GLYR1: variants seen among roughly 807,000 people sequenced by gnomAD.
GLYR1 encodes the protein glyoxylate reductase 1 homolog.
In GLYR1, 21 loss-of-function variants were observed where a neutral mutation model predicts 72.7. The ratio of observed to expected loss-of-function variants is 0.29; its 90% CI spans 0.20 to 0.42. The LOEUF (loss-of-function observed/expected upper bound fraction) is 0.42. GLYR1 is among the 10% of genes least tolerant of loss of function. The probability of loss-of-function intolerance (pLI) is 1.00; values close to 1 mark genes in which losing one functional copy is unlikely to be tolerated. For missense variants in GLYR1, 594 were observed against 712.1 expected, an observed-to-expected ratio of 0.83 and a Z score of 1.89; for synonymous variants, 392 against 270.2, an observed-to-expected ratio of 1.45 and a Z score of -4.42.
At chr16:4,830,382 AACAG>A (rs2084715909) in intron 5 of GLYR1, among the ~76,000 whole-genome samples, 3 of 152,092 alleles carry the variant, frequency 2.0e-5, no homozygotes, top group African/African-American at 7.2e-5. Flanking sequence ...CTTGAGAAAA[AACAG>A]ACAATTTGGC....
intron 3 of GLYR1, among the ~76,000 whole-genome samples, chr16:4,841,006 T>C (rs996961221): frequency 1.3e-5 from 2 of 152,204 alleles, no homozygotes; most frequent in East Asian, 1.9e-4. Context: ...GATAACACAT[T>C]AGTACCACAG....
Position 4,805,161 on chromosome 16 carries a change from C to T in GLYR1, c.*75G>A. The T allele has an allele frequency of 7.7e-7, 1 of 1,295,860 alleles. No homozygotes were observed. The highest frequency in any genetic ancestry group is 1.1e-6 in the Non-Finnish European group (1 of 898,416). 80.3% of individuals were successfully genotyped at this position (1,295,860 alleles called of 1,614,324 possible). Reference sequence around the variant, plus strand: ...AGGTGGGCTGGTCCAGAATGAACTCCCAGGCCCCCGACCCCATGTGAGGAA... The same window carrying T: ...AGGTGGGCTGGTCCAGAATGAACTCTCAGGCCCCCGACCCCATGTGAGGAA... On this transcript the variant is annotated 3_prime_UTR_variant, in exon 16 of 16. Coordinates refer to ENST00000321919, the MANE Select transcript of GLYR1 (RefSeq NM_032569.4).
intron 7 of GLYR1, 27 bp from the exon 8 acceptor site, chr16:4,821,624 C>T (rs1240150385): frequency 1.2e-6 from 2 of 1,607,168 alleles, no homozygotes; most frequent in South Asian, 1.1e-5. Context: ...AAAGAGACTA[C>T]TTGTGCTACT....
At chr16:4,817,972 A>T (rs2083756915) in intron 9 of GLYR1, 5 of 344,890 alleles carry the variant, frequency 1.4e-5, no homozygotes, top group Admixed American at 1.3e-4. Context: ...GTTCAGGGCC[A>T]GTCTCCCAGG....
intron 5 of GLYR1, among the ~76,000 whole-genome samples, chr16:4,830,740 A>G (rs1050806991): frequency 6.6e-6 from 1 of 152,128 alleles, no homozygotes; most frequent in Non-Finnish European, 1.5e-5. Flanking sequence ...GTGGCCTTGT[A>G]AGACCGGCCC....
rs2085715809 is a variant in GLYR1 at position 4,843,517 on chromosome 16, AC to A, written c.155+1556del. The A allele has an allele frequency of 3.9e-6, 5 of 1,284,326 alleles. No homozygotes were observed. In the Admixed American group the frequency reaches 1.2e-4, roughly 30 times the overall value. 79.6% of individuals were successfully genotyped at this position (1,284,326 alleles called of 1,614,324 possible). The stretch of plus-strand genomic sequence containing the variant: ...TCCCTCTTCCAGAAGCTCTGGCTCC[AC>A]AGCTCCAGGCCAGCGATCTCCTTGA... On this transcript the variant is annotated intron_variant, in intron 3 of 15. Transcript: ENST00000321919.
At chr16:4,831,939 G>C in intron 5 of GLYR1, 40 bp downstream of exon 5, 1 of 1,598,882 alleles carries the variant, frequency 6.3e-7, no homozygotes, top group African/African-American at 1.3e-5. Flanking sequence ...TGTACTAAAA[G>C]GACATCACTA....
At chr16:4,827,873 C>A (rs570033752) in intron 5 of GLYR1, among the ~76,000 whole-genome samples, 1 of 152,038 alleles carries the variant, frequency 6.6e-6, no homozygotes, top group South Asian at 2.1e-4. Flanking sequence ...GCACCGCAGC[C>A]TGGGCGACAG....
chr16:4,806,227 A>C (rs934739298), intron 15 of GLYR1, among the ~76,000 whole-genome samples: 6 of 152,328 alleles, frequency 3.9e-5, no homozygotes, highest in Non-Finnish European at 8.8e-5. Flanking sequence ...TAGCCCCCCC[A>C]CACAGAATGG....
Position 4,803,262 on chromosome 16 carries a change from T to C in GLYR1, c.*1974A>G. On this transcript the variant is annotated 3_prime_UTR_variant, in exon 16 of 16. Coordinates refer to ENST00000321919, the MANE Select transcript of GLYR1 (RefSeq NM_032569.4). ...TAGCTTTGTTAATTGCACAAAATCA[T>C]GTTTTGTTTTTGCCATTTAAACATT... The C allele has an allele frequency of 6.5e-6, 1 of 152,834 alleles. No individual in the cohort carries two copies. Among genetic ancestry groups the C allele is most frequent in the East Asian group, 1.9e-4 (1 of 5,194 alleles). The allele number at this position is 152,834 out of a possible 1,614,324, so 9.5% of individuals were successfully genotyped here. A position where few individuals can be genotyped will look rare whatever the true frequency, so the allele number is the denominator to read the frequency against.
rs201216481 is a variant in GLYR1, at chr16:4,846,229, G to C, written c.39-19C>G. The C allele has an allele frequency of 6.2e-7, 1 of 1,613,672 alleles. No homozygotes were observed. The highest frequency in any genetic ancestry group is 8.5e-7 in the Non-Finnish European group (1 of 1,179,734). On this transcript the variant is annotated intron_variant, in intron 1 of 15. Coordinates refer to ENST00000321919, the MANE Select transcript of GLYR1 (RefSeq NM_032569.4). ...TTTCCCCCTAGAGAAAACACAAAGA[G>C]TCAACACTTGCCCTGCAAAAGCCAG...
intron 5 of GLYR1, among the ~76,000 whole-genome samples, chr16:4,825,684 C>T (rs1282495292): frequency 2.0e-5 from 3 of 150,832 alleles, no homozygotes; most frequent in African/African-American, 7.3e-5. Flanking sequence ...CGGAGTCTTG[C>T]TCTGTAGCCC....
intron 5 of GLYR1, among the ~76,000 whole-genome samples, chr16:4,825,006 C>T (rs1163464226): frequency 6.6e-6 from 1 of 152,102 alleles, no homozygotes; most frequent in Non-Finnish European, 1.5e-5. Context: ...TTACAGTTGG[C>T]GATCTGCCCA....
intron 15 of GLYR1, 69 bp downstream of exon 15, chr16:4,811,101 T>C: frequency 7.0e-7 from 1 of 1,424,896 alleles, no homozygotes; most frequent in Non-Finnish European, 9.5e-7. Flanking sequence ...TGAGACTCCG[T>C]TAAAAAAAAA....
intron 14 of GLYR1, 94 bp downstream of exon 14, chr16:4,811,529 G>T (rs913748214): frequency 1.9e-5 from 28 of 1,467,202 alleles, no homozygotes; most frequent in Non-Finnish European, 2.3e-5. Flanking sequence ...GGACTGACTG[G>T]GGAGGGGCAT....
At chr16:4,814,738 C>A (rs572879308) in intron 10 of GLYR1, 91 bp from the exon 11 acceptor site, 76 of 1,054,662 alleles carry the variant, frequency 7.2e-5, no homozygotes, top group Non-Finnish European at 1.0e-4. Context: ...GGCCTCCTGG[C>A]GGCCTACCAA....
At chr16:4,843,582 G>C (rs2085719946) in intron 3 of GLYR1, 1 of 1,289,156 alleles carries the variant, frequency 7.8e-7, no homozygotes. Flanking sequence ...GCTTGTGATA[G>C]AGAAATGGGG....
chr16:4,821,677 A>T, intron 7 of GLYR1, 80 bp from the exon 8 acceptor site: 1 of 1,334,448 alleles, frequency 7.5e-7, no homozygotes, highest in Non-Finnish European at 1.1e-6. Flanking sequence ...CAAAGGTTAG[A>T]CCCAAAGTGG....
chr16:4,809,045 T>A (rs1179053966), intron 15 of GLYR1, among the ~76,000 whole-genome samples: 1 of 152,132 alleles, frequency 6.6e-6, no homozygotes, highest in East Asian at 1.9e-4. Flanking sequence ...AAAAGGCAGA[T>A]ACTGTCAAAA....
Sources: gnomAD v4.1 joint callset for allele counts (sites outside exome capture counted in the v4.1 genomes callset) on GRCh38, gnomAD v4.1.1 for gene constraint, MANE v1.5 for transcripts, NCBI Gene and HGNC (gene_info 2026-07-23, HGNC 2026-07-21) for gene names.